The following CCDC25 variants were observed in gnomAD, a reference collection of about 807,000 sequenced individuals.
CCDC25 encodes the protein coiled-coil domain-containing protein 25.
A neutral mutation model predicts 35.3 loss-of-function variants in CCDC25; 16 were observed. The observed-to-expected ratio is 0.45, with a 90% CI of 0.31 to 0.69. The LOEUF (loss-of-function observed/expected upper bound fraction) is 0.69. CCDC25 is among the 30% of genes least tolerant of loss of function. The pLI is 0.06. For missense variants in CCDC25, 179 were observed against 250.7 expected (o/e 0.71, Z 1.93); for synonymous variants, 79 against 80.3 (o/e 0.98, Z 0.09).
At chr8:27,744,036 C>T (rs1359053891) in intron 7 of CCDC25, among the ~76,000 whole-genome samples, 5 of 152,144 alleles carry the variant, frequency 3.3e-5, no homozygotes, top group African/African-American at 1.2e-4. Context: ...GGAATTATTT[C>T]CCCTCAGTTA....
In CCDC25 at chr8:27,748,655, C is replaced by T. The variant is rs996001561; in HGVS notation, c.245-57G>A. On this transcript the variant is annotated intron_variant, in intron 5 of 8. Coordinates refer to ENST00000356537, the MANE Select transcript of CCDC25 (RefSeq NM_018246.3). ...CAGGATGAGACTGAGCAATGTGTTCCCTTACCCACTGGCAAACTGCCATAA... is the reference window on the plus strand; with the variant it reads ...CAGGATGAGACTGAGCAATGTGTTCTCTTACCCACTGGCAAACTGCCATAA... The T allele has an allele frequency of 7.0e-6, 9 of 1,291,034 alleles. No homozygotes were observed. The African/African-American group carries it at 1.3e-4, about 19-fold the overall frequency. 80.0% of individuals were successfully genotyped at this position (1,291,034 alleles called of 1,614,324 possible). A position where few individuals can be genotyped will look rare whatever the true frequency, so the allele number is the denominator to read the frequency against.
Position 27,735,266 on chromosome 8 carries a change from C to T in CCDC25, c.*950G>A, listed in dbSNP as rs1313655763. 2 of 152,550 alleles carry T rather than the reference C, an allele frequency of 1.3e-5. No homozygotes were observed. The highest frequency in any genetic ancestry group is 2.4e-5 in the African/African-American group (1 of 41,408). The allele number at this position is 152,550 out of a possible 1,614,324, so 9.4% of individuals were successfully genotyped here. A position where few individuals can be genotyped will look rare whatever the true frequency, so the allele number is the denominator to read the frequency against. ...GGAAACACTAGCCTTTTGGTTTTGC[C>T]CACAGTTCCAAAGTGCTATTACAGG... On this transcript the variant is annotated 3_prime_UTR_variant, in exon 9 of 9. Coordinates refer to ENST00000356537, the MANE Select transcript of CCDC25 (RefSeq NM_018246.3).
At chr8:27,762,257 C>G (rs1804252731) in intron 3 of CCDC25, among the ~76,000 whole-genome samples, 162 bp downstream of exon 3, 1 of 152,150 alleles carries the variant, frequency 6.6e-6, no homozygotes, top group Non-Finnish European at 1.5e-5. Context: ...AACATCATTT[C>G]CAACTTGCAA....
At chr8:27,769,500 T>G (rs1480423684) in intron 1 of CCDC25, among the ~76,000 whole-genome samples, 1 of 152,226 alleles carries the variant, frequency 6.6e-6, no homozygotes, top group African/African-American at 2.4e-5. Context: ...TCTATGTTGT[T>G]GAAGATTCAC....
At chr8:27,758,970 A>G (rs1804115798) in intron 3 of CCDC25, among the ~76,000 whole-genome samples, 1 of 152,236 alleles carries the variant, frequency 6.6e-6, no homozygotes, top group South Asian at 2.1e-4. Context: ...AGAATGGATG[A>G]AAGTATAAGA....
At chr8:27,744,795 G>T (rs1186631592) in intron 7 of CCDC25, among the ~76,000 whole-genome samples, 1 of 152,210 alleles carries the variant, frequency 6.6e-6, no homozygotes, top group Non-Finnish European at 1.5e-5. Flanking sequence ...TTAGACTTGA[G>T]TTTGGATTCC....
chr8:27,762,516 G>T, intron 2 of CCDC25, 58 bp from the exon 3 acceptor site: 1 of 1,512,028 alleles, frequency 6.6e-7, no homozygotes, highest in East Asian at 2.3e-5. Flanking sequence ...GATATGCCAG[G>T]GTTTATAAGA....
At chr8:27,752,461 G>A in intron 5 of CCDC25, 51 bp downstream of exon 5, 1 of 1,363,430 alleles carries the variant, frequency 7.3e-7, no homozygotes, top group Non-Finnish European at 1.0e-6. Flanking sequence ...ATCCATTTCA[G>A]ACACAGAGAA....
At chr8:27,770,566 C>T (rs767929810) in intron 1 of CCDC25, among the ~76,000 whole-genome samples, 1 of 151,968 alleles carries the variant, frequency 6.6e-6, no homozygotes, top group African/African-American at 2.4e-5. Flanking sequence ...GGAGAAACCC[C>T]GTCTCTACTA....
rs1804675604 is a variant in CCDC25 at position 27,772,636 on chromosome 8, G to A, written c.-96C>T. On this transcript the variant is annotated 5_prime_UTR_variant, in exon 1 of 9. Transcript: ENST00000356537. Reference sequence around the variant, plus strand: ...ACTCGCGGCGGCCGCCTGGCCCCCGGAACTCCTCCGTGCACTTCCGGCGGA... The same window carrying A: ...ACTCGCGGCGGCCGCCTGGCCCCCGAAACTCCTCCGTGCACTTCCGGCGGA... The A allele has an allele frequency of 7.4e-6, 9 of 1,223,318 alleles. No individual in the cohort carries two copies. Among genetic ancestry groups the A allele is most frequent in the African/African-American group, 1.5e-5 (1 of 66,374 alleles). The allele number at this position is 1,223,318 out of a possible 1,614,324, so 75.8% of individuals were successfully genotyped here.
intron 4 of CCDC25, among the ~76,000 whole-genome samples, chr8:27,755,261 G>A (rs1803957572): frequency 6.6e-6 from 1 of 152,322 alleles, no homozygotes; most frequent in Middle Eastern, 3.4e-3. Flanking sequence ...AAGCAAGGAT[G>A]TGCTCAAAGA....
At chr8:27,760,246 C>T (rs1053238394) in intron 3 of CCDC25, among the ~76,000 whole-genome samples, 1 of 152,140 alleles carries the variant, frequency 6.6e-6, no homozygotes, top group South Asian at 2.1e-4. Flanking sequence ...ATTTCTCTTC[C>T]ATTTATTTAA....
chr8:27,753,529 A>AG (rs1803891470), intron 4 of CCDC25, among the ~76,000 whole-genome samples: 1 of 152,210 alleles, frequency 6.6e-6, no homozygotes, highest in Non-Finnish European at 1.5e-5. Flanking sequence ...TGGGCAACAC[A>AG]GTGAGATCCC....
chr8:27,752,817 A>G (rs1803861429), intron 4 of CCDC25: 2 of 289,710 alleles, frequency 6.9e-6, no homozygotes, highest in Non-Finnish European at 1.3e-5. Flanking sequence ...TAAGTAAAAA[A>G]AAAAAAAGCA....
chr8:27,740,639 T>C (rs1379854791), intron 7 of CCDC25, 122 bp from the exon 8 acceptor site: 1 of 761,194 alleles, frequency 1.3e-6, no homozygotes, highest in Admixed American at 2.5e-5. Context: ...CAAGAGCTAT[T>C]AGATATAATC....
At position 27,733,777 on chromosome 8, in the gene CCDC25, G is replaced by A. The variant is rs866972385; in HGVS notation, c.*2439C>T. ...CACGCGTAGGAAAAACTAGAAAATT[G>A]TTCCTTTTCCATTTTGCCACCCTGC... On this transcript the variant is annotated 3_prime_UTR_variant, in exon 9 of 9. Transcript: ENST00000356537. 6.6e-6 allele frequency: 1 copy of A among 152,264 alleles called. No homozygotes were observed. The highest frequency in any genetic ancestry group is 2.1e-4 in the South Asian group (1 of 4,828). The allele number at this position is 152,264 out of a possible 1,614,324, so 9.4% of individuals were successfully genotyped here. A position where few individuals can be genotyped will look rare whatever the true frequency, so the allele number is the denominator to read the frequency against.
chr8:27,739,880 C>G lies in CCDC25; in HGVS notation c.597+592G>C, dbSNP rs1388799574. Among the ~76,000 whole-genome samples the G allele has an allele frequency of 2.6e-5, 4 of 152,260 alleles. No individual in the cohort carries two copies. In the East Asian group the frequency reaches 7.7e-4, roughly 29 times the overall value. ...CAAGATAAATTTTGGGAAAGACAGC[C>G]CTCAAGGACAATAATTCTCTGACAT... is the stretch of plus-strand genomic sequence containing the variant. On this transcript the variant is annotated intron_variant, in intron 8 of 8. Transcript: ENST00000356537.
intron 4 of CCDC25, 143 bp from the exon 5 acceptor site, chr8:27,752,730 G>T: frequency 2.1e-5 from 9 of 425,304 alleles, no homozygotes; most frequent in East Asian, 8.9e-5. Flanking sequence ...ACACTGAAAA[G>T]TAAATTTACT....
At chr8:27,743,029 C>T (rs377298409) in intron 7 of CCDC25, among the ~76,000 whole-genome samples, 13 of 152,314 alleles carry the variant, frequency 8.5e-5, no homozygotes, top group Admixed American at 2.6e-4. Flanking sequence ...GGTCTTCCCC[C>T]TACCAAACCA....
Sources: allele counts gnomAD v4.1 joint callset (sites outside exome capture counted in the v4.1 genomes callset), GRCh38; gene constraint gnomAD v4.1.1; transcripts MANE v1.5; gene names NCBI Gene and HGNC (gene_info 2026-07-23, HGNC 2026-07-21).